The following NEO1 variants were observed in gnomAD, a reference collection of about 807,000 sequenced individuals.
The protein encoded by NEO1 is neogenin.
NEO1 carries 63 observed loss-of-function variants against 159.7 expected under a neutral mutation model. The observed-to-expected ratio is 0.39, with a 90% CI of 0.32 to 0.49. The LOEUF (loss-of-function observed/expected upper bound fraction) is 0.49, where lower values mean the gene tolerates loss of function less well. Ranked by LOEUF, NEO1 falls within the 20% of genes least tolerant of loss-of-function variation. The probability of loss-of-function intolerance (pLI) is 0.85; values close to 1 mark genes in which losing one functional copy is unlikely to be tolerated. For synonymous variants in NEO1, 633 were observed against 662.0 expected (o/e 0.96, Z 0.67); for missense variants, 1,615 against 1,831.0 (o/e 0.88, Z 2.15).
chr15:73,291,473 A>G (rs1328011250), intron 25 of NEO1, among the ~76,000 whole-genome samples: 3 of 152,188 alleles, frequency 2.0e-5, no homozygotes, highest in Admixed American at 2.0e-4. Flanking sequence ...ACCTGCAACC[A>G]TAAGATCCAC....
At chr15:73,170,755 G>A (rs562813506) in intron 5 of NEO1, among the ~76,000 whole-genome samples, 267 of 152,238 alleles carry the variant, frequency 1.8e-3, no homozygotes, top group Middle Eastern at 0.014. Context: ...GCCCCTTTTC[G>A]AAGTACGGTA....
In NEO1 at chr15:73,302,903, C is replaced by T. The variant is rs535826860; in HGVS notation, c.*207C>T. 1.9e-6 allele frequency: 1 copy of T among 527,788 alleles called. No individual in the cohort carries two copies. Among genetic ancestry groups the T allele is most frequent in the South Asian group, 2.3e-5 (1 of 43,226 alleles). 32.7% of individuals were successfully genotyped at this position (527,788 alleles called of 1,614,324 possible). A position where few individuals can be genotyped will look rare whatever the true frequency, so the allele number is the denominator to read the frequency against. ...AGCCTGGAAGAAGCCTGTGTCGAGG[C>T]AGCTTCCCTTTGCCTGCTGATATTC... On this transcript the variant is annotated 3_prime_UTR_variant, in exon 29 of 29. Transcript: ENST00000261908.
chr15:73,235,853 T>C (rs531182992), intron 7 of NEO1, among the ~76,000 whole-genome samples: 8 of 152,362 alleles, frequency 5.3e-5, no homozygotes, highest in Admixed American at 4.6e-4. Context: ...ACTAGGGTCA[T>C]CCATACTATT....
chr15:73,071,550 CAG>C (rs1276406541), intron 1 of NEO1, among the ~76,000 whole-genome samples: 1 of 152,010 alleles, frequency 6.6e-6, no homozygotes, highest in Non-Finnish European at 1.5e-5. Context: ...TTTTTTGAGA[CAG>C]AGTCTCACTC....
Position 73,288,477 on chromosome 15 carries a change from G to A in NEO1, c.3575G>A (p.Arg1192His), listed in dbSNP as rs138027674. The A allele has an allele frequency of 1.3e-4, 210 of 1,614,014 alleles. No homozygotes were observed. In the African/African-American group the frequency reaches 1.4e-3, roughly 11 times the overall value. ...ATCATGACTGATACTCCAATTCCTC[G>A]CAACTCTCAAGATATCACACCAGTT... is the stretch of plus-strand genomic sequence containing the variant. ...NPIMTDTPIP[R>H]NSQDITPVDN... Residue 1192 changes from arginine to histidine, a missense_variant, in exon 24 of 29, where the codon CGC becomes CAC. Arg to His is a conservative substitution (Grantham distance 29). Around this residue, in one of 3 missense-constraint regions of NEO1, gnomAD observed 471 missense variants for 498.9 expected, o/e 0.94. Transcript: ENST00000261908.
At chr15:73,235,916 T>C (rs2039146257) in intron 7 of NEO1, among the ~76,000 whole-genome samples, 1 of 152,240 alleles carries the variant, frequency 6.6e-6, no homozygotes, top group African/African-American at 2.4e-5. Context: ...GCAAGACTTT[T>C]ATGCAAAGTT....
In NEO1 at chr15:73,278,168, C is replaced by T. The variant is rs2041504471; in HGVS notation, c.3231C>T (p.Asp1077=). Residue 1077 remains aspartate, a synonymous_variant, in exon 22 of 29, where the codon GAC becomes GAT. Transcript: ENST00000261908. ...GSGGKGSRLP[D]LGSDYKPPMS... is the part of the protein sequence containing the mutation. ...GAGGGAAAGGAAGCCGGCTGCCAGA[C>T]CTAGGATCCGACTACAAACCTCCAA... 1.9e-6 allele frequency: 3 copies of T among 1,613,258 alleles called. No homozygotes were observed. Among genetic ancestry groups the T allele is most frequent in the Non-Finnish European group, 2.5e-6 (3 of 1,179,316 alleles).
At chr15:73,177,817 A>G (rs911963845) in intron 6 of NEO1, among the ~76,000 whole-genome samples, 3 of 152,194 alleles carry the variant, frequency 2.0e-5, no homozygotes, top group African/African-American at 7.2e-5. Context: ...CTGGGGTTAC[A>G]GGTGTGAGCC....
chr15:73,176,169 C>G (rs1454312179), intron 5 of NEO1, among the ~76,000 whole-genome samples: 1 of 152,092 alleles, frequency 6.6e-6, no homozygotes, highest in Non-Finnish European at 1.5e-5. Flanking sequence ...TAAGGAAACT[C>G]AGAAATTATC....
At chr15:73,249,788 A>C in intron 11 of NEO1, 67 bp downstream of exon 11, 1 of 1,479,520 alleles carries the variant, frequency 6.8e-7, no homozygotes, top group Non-Finnish European at 9.0e-7. Context: ...TTGTAAGATC[A>C]TGAGCTTTGA....
In NEO1 at chr15:73,210,104, CTGT is replaced by C. The variant is rs200038391; in HGVS notation, c.1292-26229_1292-26227del. 9.0e-3 allele frequency among the ~76,000 whole-genome samples: 1,371 copies of C among 152,214 alleles called. 11 individuals are homozygous for C. The highest frequency in any genetic ancestry group is 0.013 in the Non-Finnish European group (911 of 67,998). ...TGCCATGTGCTTTCAATAAGTCTTT[CTGT>C]TGTTGTTGTTGTTTGCAAATCAGAG... On this transcript the variant is annotated intron_variant, in intron 7 of 28. Coordinates refer to ENST00000261908, the MANE Select transcript of NEO1 (RefSeq NM_002499.4).
At chr15:73,121,619 G>A (rs183713519) in intron 2 of NEO1, among the ~76,000 whole-genome samples, 4 of 152,192 alleles carry the variant, frequency 2.6e-5, no homozygotes, top group African/African-American at 7.2e-5. Flanking sequence ...TGTCCATTGA[G>A]GATTCATACG....
upstream of NEO1, among the ~76,000 whole-genome samples, chr15:73,052,262 CGCGCGCGTGCGCGTGT>C (rs1455645292): frequency 6.9e-6 from 1 of 144,590 alleles, no homozygotes; most frequent in Non-Finnish European, 1.5e-5. Context: ...GCGGGCGAGG[CGCGCGCGTGCGCGTGT>C]GCGCGCCCGG....
At chr15:73,114,605 A>G (rs1476757076) in intron 1 of NEO1, among the ~76,000 whole-genome samples, 3 of 152,238 alleles carry the variant, frequency 2.0e-5, no homozygotes, top group Non-Finnish European at 4.4e-5. Context: ...ATAAAAAGCA[A>G]GACAGTGTTA....
intron 7 of NEO1, among the ~76,000 whole-genome samples, chr15:73,201,660 T>C (rs145531123): frequency 9.9e-4 from 150 of 152,278 alleles, no homozygotes; most frequent in African/African-American, 3.4e-3. Context: ...CAGAAGGGTA[T>C]TTAAACTCTC....
chr15:73,292,164 C>T (rs2042187554), intron 25 of NEO1, among the ~76,000 whole-genome samples: 1 of 152,160 alleles, frequency 6.6e-6, no homozygotes, highest in South Asian at 2.1e-4. Context: ...GTCATGCCAC[C>T]TGCTTGCTTG....
chr15:73,260,125 T>TA, intron 14 of NEO1, 146 bp from the exon 15 acceptor site: 2 of 550,612 alleles, frequency 3.6e-6, no homozygotes, highest in Non-Finnish European at 6.1e-6. Flanking sequence ...TCACTATACA[T>TA]ACAGATTCTT....
At chr15:73,236,636 C>A (rs1232150302) in intron 8 of NEO1, 130 bp downstream of exon 8, 14 of 777,296 alleles carry the variant, frequency 1.8e-5, no homozygotes, top group Non-Finnish European at 2.8e-5. Context: ...TGCACCTTCC[C>A]TAATTTTAGG....
At chr15:73,091,981 A>C (rs2069721846) in intron 1 of NEO1, among the ~76,000 whole-genome samples, 1 of 152,132 alleles carries the variant, frequency 6.6e-6, no homozygotes, top group African/African-American at 2.4e-5. Context: ...AAATAAATGC[A>C]TGCCAGGATT....
Sources: gnomAD v4.1 joint callset for allele counts (sites outside exome capture counted in the v4.1 genomes callset) on GRCh38, gnomAD v4.1.1 for gene constraint, gnomAD v4.1.1 regional missense constraint, MANE v1.5 for transcripts, NCBI Gene and HGNC (gene_info 2026-07-23, HGNC 2026-07-21) for gene names.